The following RIMS2 variants were observed in gnomAD, a reference collection of about 807,000 sequenced individuals.
RIMS2 encodes regulating synaptic membrane exocytosis protein 2.
RIMS2 carries 59 observed loss-of-function variants against 174.4 expected under a neutral mutation model. That is an observed-to-expected ratio of 0.34 (90% CI 0.27 to 0.42). The LOEUF is 0.42. Among genes scored for constraint, RIMS2 ranks in the 10% least tolerant of loss-of-function variants. The pLI is 1.00. For synonymous variants in RIMS2, 606 were observed against 572.5 expected, an observed-to-expected ratio of 1.06 and a Z score of -0.84; for missense variants, 1,620 against 1,666.3, an observed-to-expected ratio of 0.97 and a Z score of 0.48.
chr8:104,036,793 C>T (rs567971594), intron 19 of RIMS2, among the ~76,000 whole-genome samples: 1 of 152,110 alleles, frequency 6.6e-6, no homozygotes, highest in South Asian at 2.1e-4. Context: ...AGGAGAATCG[C>T]TTGAACCCGG....
chr8:104,026,150 A>T (rs1218418882), intron 19 of RIMS2, among the ~76,000 whole-genome samples: 8 of 152,206 alleles, frequency 5.3e-5, no homozygotes, highest in Non-Finnish European at 1.2e-4. Flanking sequence ...CATAAGAAAC[A>T]ATACCAGGGT....
chr8:104,089,564 A>T (rs757965099), intron 19 of RIMS2, among the ~76,000 whole-genome samples: 9 of 151,808 alleles, frequency 5.9e-5, no homozygotes, highest in Non-Finnish European at 1.3e-4. Context: ...CACTGTCCAG[A>T]TTTCTCATTT....
chr8:103,820,813 A>T (rs1425662494), intron 3 of RIMS2, among the ~76,000 whole-genome samples: 2 of 151,780 alleles, frequency 1.3e-5, no homozygotes, highest in Non-Finnish European at 3.0e-5. Flanking sequence ...ATGAAATGTT[A>T]GGATATTCTA....
chr8:103,987,655 G>T (rs1476807156), intron 16 of RIMS2, among the ~76,000 whole-genome samples: 1 of 152,056 alleles, frequency 6.6e-6, no homozygotes, highest in African/African-American at 2.4e-5. Context: ...GGAAATAAGA[G>T]GTTTCAGGAT....
intron 3 of RIMS2, among the ~76,000 whole-genome samples, chr8:103,815,654 T>A (rs1048919180): frequency 6.6e-6 from 1 of 152,098 alleles, no homozygotes; most frequent in Non-Finnish European, 1.5e-5. Flanking sequence ...AAGCCCTACA[T>A]CCTATCAGCA....
At chr8:104,178,883 T>C (rs1022302188) in intron 19 of RIMS2, among the ~76,000 whole-genome samples, 10 of 152,132 alleles carry the variant, frequency 6.6e-5, no homozygotes, top group Admixed American at 6.6e-5. Flanking sequence ...AATCTCAAAG[T>C]AGTTCTTGGA....
intron 1 of RIMS2, among the ~76,000 whole-genome samples, chr8:103,663,705 G>A (rs1387944801): frequency 6.6e-6 from 1 of 152,120 alleles, no homozygotes; most frequent in Non-Finnish European, 1.5e-5. Context: ...TGGCCATACT[G>A]CCCAAGGTAA....
intron 3 of RIMS2, among the ~76,000 whole-genome samples, chr8:103,820,341 T>C (rs1178652937): frequency 1.3e-5 from 2 of 152,018 alleles, no homozygotes; most frequent in Non-Finnish European, 1.5e-5. Flanking sequence ...TGTTTGGCTT[T>C]TGAGAATTTC....
intron 19 of RIMS2, among the ~76,000 whole-genome samples, chr8:104,227,200 T>C (rs1357195386): frequency 7.1e-6 from 1 of 141,196 alleles, no homozygotes; most frequent in Non-Finnish European, 1.5e-5. Context: ...CGTTTTTGTA[T>C]ACTTGGAGCT....
At chr8:103,761,367 G>A (rs2098111654) in intron 2 of RIMS2, among the ~76,000 whole-genome samples, 1 of 152,190 alleles carries the variant, frequency 6.6e-6, no homozygotes, top group African/African-American at 2.4e-5. Context: ...AATTATAGAA[G>A]GTAAACTCAA....
intron 19 of RIMS2, among the ~76,000 whole-genome samples, chr8:104,175,484 A>T (rs568177446): frequency 1.3e-5 from 2 of 152,288 alleles, no homozygotes; most frequent in African/African-American, 4.8e-5. Context: ...TTTAAAATGT[A>T]TAATAAATTA....
Position 103,757,428 on chromosome 8 carries a change from G to A in RIMS2, c.388-8799G>A, listed in dbSNP as rs190314390. On this transcript the variant is annotated intron_variant, in intron 2 of 23. Coordinates refer to ENST00000504942, the Ensembl canonical transcript of RIMS2. The stretch of plus-strand genomic sequence containing the variant: ...TTTGGTTTAATCTCCCCTTTGTCAT[G>A]GTAGGTTCGTCTTTATTCATTTCTT... Among the ~76,000 whole-genome samples the A allele has an allele frequency of 6.5e-4, 98 of 151,934 alleles. No individual in the cohort carries two copies. In the East Asian group the frequency reaches 0.018, roughly 28 times the overall value.
intron 19 of RIMS2, among the ~76,000 whole-genome samples, chr8:104,166,568 C>G (rs1162411514): frequency 6.6e-6 from 1 of 151,894 alleles, no homozygotes; most frequent in African/African-American, 2.4e-5. Context: ...TTTATTTAAG[C>G]AAATGGAACC....
rs202126935 is a variant in RIMS2 at position 103,921,732 on chromosome 8, T to C, written c.2144T>C (p.Met715Thr). The C allele has an allele frequency of 2.4e-5, 38 of 1,578,196 alleles. No homozygotes were observed. The highest frequency in any genetic ancestry group is 3.0e-5 in the Non-Finnish European group (35 of 1,147,592). Reference sequence around the variant, plus strand: ...CCTTCTATTTCTGTTACCTCTCCCATGAGTCCTGGAATGTTGAGGGATGTC... The same window carrying C: ...CCTTCTATTTCTGTTACCTCTCCCACGAGTCCTGGAATGTTGAGGGATGTC... Residue 715 changes from methionine to threonine, a missense_variant, in exon 10 of 24, where the codon ATG (methionine) becomes ACG (threonine). Physicochemically the swap from Met to Thr is moderately conservative, Grantham distance 81. Transcript: ENST00000504942.
At chr8:103,698,669 C>G (rs745926814) in intron 2 of RIMS2, among the ~76,000 whole-genome samples, 57 of 151,944 alleles carry the variant, frequency 3.8e-4, no homozygotes, top group Non-Finnish European at 6.0e-4. Flanking sequence ...GAGTGTCTTG[C>G]TATGTTGCCT....
chr8:103,554,721 A>G (rs1356609130), intron 1 of RIMS2, among the ~76,000 whole-genome samples: 3 of 152,212 alleles, frequency 2.0e-5, no homozygotes, highest in Admixed American at 6.5e-5. Context: ...TGTACCATAA[A>G]GACACACGGA....
chr8:104,036,640 A>T (rs2096524439), intron 19 of RIMS2, among the ~76,000 whole-genome samples: 4 of 151,890 alleles, frequency 2.6e-5, no homozygotes, highest in Admixed American at 2.0e-4. Context: ...GCACTTTAGG[A>T]GGCCGAGGTG....
At chr8:103,947,624 A>G (rs374548905) in intron 14 of RIMS2, among the ~76,000 whole-genome samples, 2 of 152,210 alleles carry the variant, frequency 1.3e-5, no homozygotes, top group Non-Finnish European at 2.9e-5. Context: ...AAAAAATGAT[A>G]TACGTGAATA....
At chr8:104,234,330 G>A (rs538117199) in intron 19 of RIMS2, among the ~76,000 whole-genome samples, 4 of 152,126 alleles carry the variant, frequency 2.6e-5, no homozygotes, top group South Asian at 4.1e-4. Context: ...GTTACGAAGA[G>A]GTTGGTGATA....
Sources: allele counts gnomAD v4.1 joint callset (sites outside exome capture counted in the v4.1 genomes callset), GRCh38; gene constraint gnomAD v4.1.1; transcripts MANE v1.5; gene names NCBI Gene and HGNC (gene_info 2026-07-23, HGNC 2026-07-21).